BACH2: variants seen among roughly 807,000 people sequenced by gnomAD.
The protein encoded by BACH2 is transcription regulator protein BACH2.
In BACH2, 5 loss-of-function variants were observed where a neutral mutation model predicts 61.8. The observed-to-expected ratio is 0.08, with a 90% confidence interval of 0.04 to 0.17. BACH2 has a LOEUF of 0.17. BACH2 is among the 10% of genes least tolerant of loss of function. The pLI is 1.00. For synonymous variants in BACH2, 446 were observed against 440.1 expected, an observed-to-expected ratio of 1.01 and a Z score of -0.17; for missense variants, 824 against 1,091.1, an observed-to-expected ratio of 0.76 and a Z score of 3.45.
chr6:90,166,823 A>G (rs905459259), intron 4 of BACH2, among the ~76,000 whole-genome samples: 3 of 149,622 alleles, frequency 2.0e-5, no homozygotes, highest in Non-Finnish European at 1.5e-5. Flanking sequence ...ACCAAACACC[A>G]CATGTTCTCA....
At chr6:89,953,510 A>G (rs1206395251) in intron 6 of BACH2, among the ~76,000 whole-genome samples, 1 of 152,214 alleles carries the variant, frequency 6.6e-6, no homozygotes, top group African/African-American at 2.4e-5. Flanking sequence ...CTAGACCCAC[A>G]TTATAAATTC....
intron 6 of BACH2, among the ~76,000 whole-genome samples, chr6:90,005,894 C>T (rs1298616140): frequency 6.6e-6 from 1 of 152,156 alleles, no homozygotes; most frequent in Non-Finnish European, 1.5e-5. Context: ...AATCATTTTA[C>T]AGGGGGAGGA....
chr6:90,246,684 T>C (rs1770649421), intron 3 of BACH2, among the ~76,000 whole-genome samples: 1 of 152,178 alleles, frequency 6.6e-6, no homozygotes, highest in Non-Finnish European at 1.5e-5. Flanking sequence ...TTAGATAATA[T>C]AAATGAATTT....
intron 4 of BACH2, among the ~76,000 whole-genome samples, chr6:90,089,403 G>A (rs1361536616): frequency 6.6e-6 from 1 of 151,882 alleles, no homozygotes; most frequent in African/African-American, 2.4e-5. Context: ...CTAGGAGATA[G>A]GTCCATGTCC....
intron 6 of BACH2, among the ~76,000 whole-genome samples, chr6:89,966,117 G>C (rs1775033651): frequency 6.6e-6 from 1 of 152,196 alleles, no homozygotes; most frequent in African/African-American, 2.4e-5. Context: ...AAGCTACAGA[G>C]TATGCCTTAT....
At chr6:90,070,345 G>A (rs999240912) in intron 5 of BACH2, among the ~76,000 whole-genome samples, 2 of 152,176 alleles carry the variant, frequency 1.3e-5, no homozygotes, top group African/African-American at 4.8e-5. Flanking sequence ...GGAAGCACAT[G>A]GACTGGGACT....
At chr6:90,019,958 T>C (rs1050128319) in intron 5 of BACH2, among the ~76,000 whole-genome samples, 23 of 152,246 alleles carry the variant, frequency 1.5e-4, no homozygotes, top group African/African-American at 5.3e-4. Flanking sequence ...GGGCTAAACT[T>C]ACTTGAGAGC....
In BACH2 at chr6:90,278,688, C is replaced by G. The variant is rs13199130; in HGVS notation, c.-445-6747G>C. ...TGTGGGTTCAAGAAAGCAGTAATCT[C>G]TAAAAGTAGGGCAAAGGTGCAGACT... On this transcript the variant is annotated intron_variant, in intron 1 of 8. Coordinates refer to ENST00000257749, the MANE Select transcript of BACH2 (RefSeq NM_021813.4). Among the ~76,000 whole-genome samples, 353 of 152,244 alleles carry G rather than the reference C, an allele frequency of 2.3e-3. 2 individuals carry two copies. The highest frequency in any genetic ancestry group is 3.9e-3 in the Non-Finnish European group (265 of 68,020).
chr6:90,021,639 A>T (rs1778383158), intron 5 of BACH2, among the ~76,000 whole-genome samples: 1 of 152,226 alleles, frequency 6.6e-6, no homozygotes, highest in Admixed American at 6.5e-5. Flanking sequence ...TAGTTCTTAT[A>T]AAAGAAAGTT....
chr6:90,187,664 C>T (rs1562493958), intron 4 of BACH2, among the ~76,000 whole-genome samples: 1 of 152,220 alleles, frequency 6.6e-6, no homozygotes, highest in African/African-American at 2.4e-5. Flanking sequence ...AACTGAAATG[C>T]TTATCAACCA....
chr6:89,963,141 C>T (rs1013366733), intron 6 of BACH2, among the ~76,000 whole-genome samples: 3 of 152,140 alleles, frequency 2.0e-5, no homozygotes, highest in Middle Eastern at 3.2e-3. Context: ...AGATGCTCAA[C>T]GTCACTAATT....
chr6:90,269,400 T>A (rs539328396), intron 2 of BACH2, among the ~76,000 whole-genome samples: 4 of 152,296 alleles, frequency 2.6e-5, no homozygotes, highest in South Asian at 2.1e-4. Context: ...GTAAAAAATA[T>A]CATTTGTACA....
At position 90,104,182 on chromosome 6, in the gene BACH2, T is replaced by C. The variant is rs147766134; in HGVS notation, c.-161-15073A>G. Among the ~76,000 whole-genome samples, 396 of 152,312 alleles carry C rather than the reference T, an allele frequency of 2.6e-3. 8 individuals carry two copies. Among genetic ancestry groups the C allele is most frequent in the Admixed American group, 0.023 (352 of 15,298 alleles). On this transcript the variant is annotated intron_variant, in intron 4 of 8. Transcript: ENST00000257749. ...GAAGGCAAATATTAGGGCTGAGTGATGTATCCCCCAAAAGAGCAGTTTCTT... is the reference window on the plus strand; with the variant it reads ...GAAGGCAAATATTAGGGCTGAGTGACGTATCCCCCAAAAGAGCAGTTTCTT...
chr6:90,224,373 C>T (rs902308547), intron 3 of BACH2, among the ~76,000 whole-genome samples: 7 of 152,152 alleles, frequency 4.6e-5, no homozygotes, highest in South Asian at 2.1e-4. Context: ...GGCTCTGAAA[C>T]GCTGCCTGGC....
chr6:89,976,198 G>T (rs1397678787), intron 6 of BACH2, among the ~76,000 whole-genome samples: 1 of 152,264 alleles, frequency 6.6e-6, no homozygotes, highest in Non-Finnish European at 1.5e-5. Context: ...GAGGGAATTA[G>T]GGATGAGTCT....
At chr6:90,042,160 C>A (rs1441694191) in intron 5 of BACH2, among the ~76,000 whole-genome samples, 2 of 152,062 alleles carry the variant, frequency 1.3e-5, no homozygotes, top group Non-Finnish European at 2.9e-5. Flanking sequence ...AGGAACCCAG[C>A]AGTAAGTCTG....
At chr6:90,000,192 A>G (rs1177006270) in intron 6 of BACH2, among the ~76,000 whole-genome samples, 1 of 152,190 alleles carries the variant, frequency 6.6e-6, no homozygotes, top group African/African-American at 2.4e-5. Context: ...TCACAATAGT[A>G]TTAGCTCCCC....
chr6:89,964,786 T>C (rs904135533), intron 6 of BACH2, among the ~76,000 whole-genome samples: 3 of 102,128 alleles, frequency 2.9e-5, no homozygotes, highest in Non-Finnish European at 5.5e-5. Flanking sequence ...ACCCATAAAC[T>C]CCTACAATAT....
chr6:90,028,845 C>T (rs975003646), intron 5 of BACH2, among the ~76,000 whole-genome samples: 7 of 152,222 alleles, frequency 4.6e-5, no homozygotes, highest in Admixed American at 2.0e-4. Flanking sequence ...AGACACTTAA[C>T]TTTTCCGTGC....
Sources: gnomAD v4.1 joint callset for allele counts (sites outside exome capture counted in the v4.1 genomes callset) on GRCh38, gnomAD v4.1.1 for gene constraint, MANE v1.5 for transcripts, NCBI Gene and HGNC (gene_info 2026-07-23, HGNC 2026-07-21) for gene names.